The following KCNAB2 variants were observed in gnomAD, a reference collection of about 807,000 sequenced individuals.
KCNAB2 encodes voltage-gated potassium channel subunit beta-2.
Under a neutral mutation model 63.6 loss-of-function variants are expected in KCNAB2, and 29 were observed. That is an observed-to-expected ratio of 0.46 (90% CI 0.34 to 0.62). The LOEUF (loss-of-function observed/expected upper bound fraction) is 0.62, where lower values mean the gene tolerates loss of function less well. Among genes scored for constraint, KCNAB2 ranks in the 20% least tolerant of loss-of-function variants. The pLI is 0.01. For missense variants in KCNAB2, 359 were observed against 563.9 expected, an observed-to-expected ratio of 0.64 and a Z score of 3.68; for synonymous variants, 222 against 224.2, an observed-to-expected ratio of 0.99 and a Z score of 0.09.
chr1:6,043,669 C>T (rs79822505), upstream of KCNAB2, among the ~76,000 whole-genome samples: 1,927 of 152,316 alleles, frequency 0.013, 14 homozygotes, highest in Middle Eastern at 0.024. Context: ...CCTCATCACA[C>T]CAAGCATACC....
chr1:6,044,437 A>G (rs1290714606), upstream of KCNAB2, among the ~76,000 whole-genome samples: 1 of 152,196 alleles, frequency 6.6e-6, no homozygotes, highest in Non-Finnish European at 1.5e-5. Flanking sequence ...GCAGGATTCA[A>G]CGCAGAGGCT....
intron 1 of KCNAB2, among the ~76,000 whole-genome samples, chr1:6,000,448 G>A (rs1657188054): frequency 6.6e-6 from 1 of 152,198 alleles, no homozygotes; most frequent in Non-Finnish European, 1.5e-5. Context: ...GGCAGTGGGG[G>A]TGTCCAGGGG....
rs1263156907 is a variant in KCNAB2, at chr1:6,086,438, G to A, written c.426-1029G>A. The A allele has an allele frequency of 1.1e-6, 1 of 941,976 alleles. No homozygotes were observed. Among genetic ancestry groups the A allele is most frequent in the African/African-American group, 1.8e-5 (1 of 56,264 alleles). The allele number at this position is 941,976 out of a possible 1,614,324, so 58.4% of individuals were successfully genotyped here. A position where few individuals can be genotyped will look rare whatever the true frequency, so the allele number is the denominator to read the frequency against. Reference sequence around the variant, plus strand: ...TGGGGTGATCCCCCTTCCTGGAGGTGACGCTGCCTCTGCCAGAGCTCTGTG... The same window carrying A: ...TGGGGTGATCCCCCTTCCTGGAGGTAACGCTGCCTCTGCCAGAGCTCTGTG... On this transcript the variant is annotated intron_variant, in intron 6 of 15. Coordinates refer to ENST00000378083, the MANE Select transcript of KCNAB2 (RefSeq NM_001199862.2). This position sits in a 1 kb window ranked among gnomAD's most constrained non-coding sequence, Gnocchi z 4.2.
chr1:6,077,315 A>C (rs985493885), intron 4 of KCNAB2, among the ~76,000 whole-genome samples: 3 of 152,190 alleles, frequency 2.0e-5, no homozygotes, highest in Non-Finnish European at 4.4e-5. Context: ...GGGCAGAAAA[A>C]CCTGGAAGAG....
intron 5 of KCNAB2, among the ~76,000 whole-genome samples, chr1:6,082,671 G>A (rs1263179145): frequency 6.6e-6 from 1 of 152,186 alleles, no homozygotes; most frequent in Admixed American, 6.5e-5. Flanking sequence ...GCCAAGTGCT[G>A]TGGGGAGCAC....
intron 10 of KCNAB2, among the ~76,000 whole-genome samples, chr1:6,092,405 G>T (rs1289677474): frequency 1.3e-5 from 2 of 152,260 alleles, no homozygotes; most frequent in Non-Finnish European, 2.9e-5. Flanking sequence ...GGCGCCGCAG[G>T]GCAGCATGCG....
At position 6,071,847 on chromosome 1, in the gene KCNAB2, G is replaced by A. The variant is rs1022209817; in HGVS notation, c.219-908G>A. ...CCTGCCGCATAGGGCACCTCCTGCC[G>A]CGAGGGCACCTCCTGCCGCGTGGGC... On this transcript the variant is annotated intron_variant, in intron 2 of 15. Coordinates refer to ENST00000378083, the MANE Select transcript of KCNAB2 (RefSeq NM_001199862.2). The surrounding 1 kb of genome is among the most constrained non-coding windows in gnomAD (Gnocchi z 8.5). Among the ~76,000 whole-genome samples the A allele has an allele frequency of 5.4e-5, 8 of 148,370 alleles. No homozygotes were observed. The highest frequency in any genetic ancestry group is 1.5e-4 in the African/African-American group (6 of 40,006).
At position 6,020,851 on chromosome 1, in the gene KCNAB2, G is replaced by A. The variant is rs1570876812; in HGVS notation, c.-52-19666G>A. Among the ~76,000 whole-genome samples the A allele has an allele frequency of 2.0e-5, 3 of 152,098 alleles. No individual in the cohort carries two copies. In the East Asian group the frequency reaches 5.8e-4, roughly 30 times the overall value. On this transcript the variant is annotated intron_variant, in intron 1 of 16. Coordinates refer to the KCNAB2 transcript ENST00000341524. ...CTGGCTAATTTTTGTGTAGAGATGG[G>A]GTTTCACCATGTTGGCCAGGCTGGT...
In KCNAB2 at chr1:6,082,051, A is replaced by G. The variant is rs1664253929; in HGVS notation, c.301-144A>G. The G allele has an allele frequency of 6.1e-6, 4 of 660,274 alleles. No homozygotes were observed. The East Asian group carries it at 7.9e-5, about 13-fold the overall frequency. The allele number at this position is 660,274 out of a possible 1,614,324, so 40.9% of individuals were successfully genotyped here. A position where few individuals can be genotyped will look rare whatever the true frequency, so the allele number is the denominator to read the frequency against. ...CCCTGTCCTGTGGCAGGAGAGGGCAAGGAGACAGCCCACAGGGGAGCCTGT... is the reference window on the plus strand; with the variant it reads ...CCCTGTCCTGTGGCAGGAGAGGGCAGGGAGACAGCCCACAGGGGAGCCTGT... On this transcript the variant is annotated intron_variant, in intron 4 of 15. Coordinates refer to ENST00000378083, the MANE Select transcript of KCNAB2 (RefSeq NM_001199862.2).
At chr1:6,060,635 C>T (rs972548045) in intron 2 of KCNAB2, among the ~76,000 whole-genome samples, 1 of 152,202 alleles carries the variant, frequency 6.6e-6, no homozygotes, top group Admixed American at 6.5e-5. Context: ...AGCGTGGTGG[C>T]TCACGCCTGC....
intron 2 of KCNAB2, among the ~76,000 whole-genome samples, chr1:6,063,676 G>A (rs1662510528): frequency 6.6e-6 from 1 of 152,182 alleles, no homozygotes; most frequent in Admixed American, 6.5e-5. Flanking sequence ...CTCCCACAGT[G>A]CTGGGATTAC....
In KCNAB2 at chr1:6,065,734, G is replaced by C. The variant is rs561473102; in HGVS notation, c.219-7021G>C. On this transcript the variant is annotated intron_variant, in intron 2 of 15. Coordinates refer to ENST00000378083, the MANE Select transcript of KCNAB2 (RefSeq NM_001199862.2). ...GTTGGGCTGAGGACTTGGGCAGCCAGGGCTGGTTGAGGGTGGGGACAGAGG... is the reference window on the plus strand; with the variant it reads ...GTTGGGCTGAGGACTTGGGCAGCCACGGCTGGTTGAGGGTGGGGACAGAGG... Among the ~76,000 whole-genome samples the C allele has an allele frequency of 3.3e-5, 5 of 152,320 alleles. No individual in the cohort carries two copies. In the East Asian group the frequency reaches 7.7e-4, roughly 24 times the overall value.
chr1:6,091,268 C>G lies in KCNAB2; in HGVS notation c.607C>G (p.Pro203Ala). 2 of 1,532,932 alleles carry G rather than the reference C, an allele frequency of 1.3e-6. No individual in the cohort carries two copies. Among genetic ancestry groups the G allele is most frequent in the African/African-American group, 1.4e-5 (1 of 73,086 alleles). The allele number at this position is 1,532,932 out of a possible 1,614,324, so 95.0% of individuals were successfully genotyped here. A position where few individuals can be genotyped will look rare whatever the true frequency, so the allele number is the denominator to read the frequency against. Reference protein sequence around the residue: ...PDPNTPMEGDPFSSSKSRTFI... With the variant: ...PDPNTPMEGDAFSSSKSRTFI... ...AATCTTTCTTCTATCACCAGGGGAC[C>G]CATTTAGTTCCTCCAAGTCAAGGAC... The change falls in exon 10 of 16, where the codon CCA becomes GCA. Residue 203 changes from proline (P) to alanine (A), a missense_variant. Around this residue, in one of 2 missense-constraint regions of KCNAB2, gnomAD observed 271 missense variants for 476.1 expected, o/e 0.57. Coordinates refer to ENST00000378083, the MANE Select transcript of KCNAB2 (RefSeq NM_001199862.2).
chr1:6,010,604 G>A (rs148614201), intron 1 of KCNAB2, among the ~76,000 whole-genome samples: 85 of 152,284 alleles, frequency 5.6e-4, no homozygotes, highest in African/African-American at 1.8e-3. Context: ...TCCCTGCTCC[G>A]GTCACCCCCA....
intron 10 of KCNAB2, 78 bp downstream of exon 10, chr1:6,091,385 ATTCT>A: frequency 6.6e-6 from 7 of 1,064,894 alleles, no homozygotes; most frequent in African/African-American, 1.6e-5. Flanking sequence ...TATTTACATG[ATTCT>A]TTTACCCCAT....
At chr1:6,043,055 C>T (rs1038955820), upstream of KCNAB2, among the ~76,000 whole-genome samples, 3 of 152,122 alleles carry the variant, frequency 2.0e-5, no homozygotes, top group Non-Finnish European at 2.9e-5. Flanking sequence ...CTTGCAAATG[C>T]TTTCCCTGGA....
At chr1:6,031,883 T>G (rs759533582), upstream of KCNAB2, among the ~76,000 whole-genome samples, 2 of 151,806 alleles carry the variant, frequency 1.3e-5, no homozygotes, top group Non-Finnish European at 2.9e-5. This position sits in a 1 kb window ranked among gnomAD's most constrained non-coding sequence, Gnocchi z 4.1. Flanking sequence ...AGCAAGACCC[T>G]GTCTCAAAAA....
rs752727654 is a variant in KCNAB2 at position 6,028,915 on chromosome 1, G to C, written c.-52-11602G>C. On this transcript the variant is annotated intron_variant, in intron 1 of 16. Transcript: ENST00000341524. The surrounding 1 kb of genome is among the most constrained non-coding windows in gnomAD (Gnocchi z 4.0). ...CCTTCTGGAACCTTTGAGCTTCCAGGATGATTCGGAATTTGGATGCAGCCA... is the reference window on the plus strand; with the variant it reads ...CCTTCTGGAACCTTTGAGCTTCCAGCATGATTCGGAATTTGGATGCAGCCA... 3.3e-5 allele frequency among the ~76,000 whole-genome samples: 5 copies of C among 152,200 alleles called. No individual in the cohort carries two copies. The highest frequency in any genetic ancestry group is 5.9e-5 in the Non-Finnish European group (4 of 68,030).
chr1:6,051,971 G>T (rs999812353), intron 2 of KCNAB2, among the ~76,000 whole-genome samples: 3 of 152,082 alleles, frequency 2.0e-5, no homozygotes, highest in African/African-American at 7.2e-5. Context: ...GCATAGTGGG[G>T]CGCACCTGTA....
Sources: gnomAD v4.1 joint callset for allele counts (sites outside exome capture counted in the v4.1 genomes callset) on GRCh38, gnomAD v4.1.1 for gene constraint, gnomAD v4.1.1 regional missense constraint, Gnocchi (gnomAD v3.1) non-coding constraint, MANE v1.5 for transcripts, NCBI Gene and HGNC (gene_info 2026-07-23, HGNC 2026-07-21) for gene names.